SERPINE2: variants seen among roughly 807,000 people sequenced by gnomAD.
The protein encoded by SERPINE2 is glia-derived nexin.
In SERPINE2, 14 loss-of-function variants were observed where a neutral mutation model predicts 36.3. The ratio of observed to expected loss-of-function variants is 0.39; its 90% CI spans 0.25 to 0.60. The LOEUF (loss-of-function observed/expected upper bound fraction) is 0.60. Ranked by LOEUF, SERPINE2 falls within the 20% of genes least tolerant of loss-of-function variation. The pLI, the probability that SERPINE2 is intolerant of heterozygous loss-of-function variation, is 0.57. For synonymous variants in SERPINE2, 192 were observed against 191.8 expected, an observed-to-expected ratio of 1.00 and a Z score of -0.01; for missense variants, 418 against 499.6, an observed-to-expected ratio of 0.84 and a Z score of 1.56.
chr2:224,005,880 A>T (rs1451377476), intron 1 of SERPINE2, among the ~76,000 whole-genome samples: 1 of 152,220 alleles, frequency 6.6e-6, no homozygotes. Flanking sequence ...TCATAAGCCC[A>T]TCAGTAGAGC....
Position 223,980,327 on chromosome 2 carries a change from T to C in SERPINE2, c.1056A>G (p.Lys352=), listed in dbSNP as rs61761889. ...AKIEVSEDGT[K]ASAATTAILI... ...AGTGCTTACTTGTTGCTGCTGAAGC[T>C]TTGGTTCCATCTTCACTGACTTCAA... Residue 352 remains lysine, a synonymous_variant, in exon 7 of 9, where the codon AAA becomes AAG. Transcript: ENST00000409304. 484 of 1,614,090 alleles carry C rather than the reference T, an allele frequency of 3.0e-4. 1 individual carries two copies. In the Middle Eastern group the frequency reaches 4.1e-3, roughly 14 times the overall value.
At chr2:224,031,368 G>A (rs1393676022) in intron 1 of SERPINE2, 1 of 985,394 alleles carries the variant, frequency 1.0e-6, no homozygotes, top group African/African-American at 1.7e-5. Flanking sequence ...CAGGCACGAG[G>A]CTCTAGGAGA....
intron 1 of SERPINE2, among the ~76,000 whole-genome samples, chr2:224,005,065 T>TTATATATA (rs71058976): frequency 5.9e-3 from 197 of 33,482 alleles, no homozygotes; most frequent in African/African-American, 0.018. Context: ...TTTATATATA[T>TTATATATA]TATATATATA....
intron 1 of SERPINE2, among the ~76,000 whole-genome samples, chr2:224,009,054 C>T (rs1455111181): frequency 1.3e-5 from 2 of 152,122 alleles, no homozygotes; most frequent in Non-Finnish European, 2.9e-5. Flanking sequence ...AAGTGGATTG[C>T]CCTCGTGTGA....
At chr2:223,980,682 A>C (rs1293565572) in intron 6 of SERPINE2, 1 of 257,014 alleles carries the variant, frequency 3.9e-6, no homozygotes, top group South Asian at 7.9e-5. Context: ...ATTGTTTTTT[A>C]AAAATGAAAA....
intron 1 of SERPINE2, among the ~76,000 whole-genome samples, chr2:224,036,337 GAAA>G: frequency 7.4e-6 from 1 of 134,248 alleles, no homozygotes; most frequent in East Asian, 2.2e-4. Flanking sequence ...ACCAGGGATG[GAAA>G]AAAAAAAAAA....
At chr2:224,019,133 A>G (rs969613244) in intron 1 of SERPINE2, among the ~76,000 whole-genome samples, 1 of 152,220 alleles carries the variant, frequency 6.6e-6, no homozygotes, top group Non-Finnish European at 1.5e-5. Context: ...GCCTGAAACC[A>G]TGGAAAATTT....
At chr2:224,005,186 A>G (rs549602312) in intron 1 of SERPINE2, among the ~76,000 whole-genome samples, 11 of 150,966 alleles carry the variant, frequency 7.3e-5, no homozygotes, top group African/African-American at 2.7e-4. Flanking sequence ...AGTCTCCCAA[A>G]TAAACAGCCA....
intron 3 of SERPINE2, among the ~76,000 whole-genome samples, chr2:223,993,532 G>A (rs1350368099): frequency 2.3e-4 from 3 of 13,108 alleles, no homozygotes; most frequent in Admixed American, 1.2e-3. Context: ...TCAAATATAT[G>A]TGTGTGTGTG....
rs528871359 is a variant in SERPINE2 at position 224,030,828 on chromosome 2, T to G, written c.-23+8271A>C. The G allele has an allele frequency of 1.5e-3, 512 of 346,174 alleles. 2 individuals are homozygous for G. The highest frequency in any genetic ancestry group is 1.8e-3 in the Non-Finnish European group (454 of 245,796). 21.4% of individuals were successfully genotyped at this position (346,174 alleles called of 1,614,324 possible). A position where few individuals can be genotyped will look rare whatever the true frequency, so the allele number is the denominator to read the frequency against. Reference sequence around the variant, plus strand: ...CTGCTGAGTTTTATCCAGCTCAGCTTAAGTTATTCGCTTGGACTCTTGTGT... The same window carrying G: ...CTGCTGAGTTTTATCCAGCTCAGCTGAAGTTATTCGCTTGGACTCTTGTGT... On this transcript the variant is annotated intron_variant, in intron 1 of 8. Coordinates refer to ENST00000409304, the MANE Select transcript of SERPINE2 (RefSeq NM_001136528.2).
At chr2:224,011,457 A>G (rs766203660) in intron 1 of SERPINE2, among the ~76,000 whole-genome samples, 6 of 152,210 alleles carry the variant, frequency 3.9e-5, no homozygotes, top group Non-Finnish European at 5.9e-5. Context: ...CAGTACCTAG[A>G]TACATTTTAA....
chr2:223,985,088 G>A, intron 4 of SERPINE2, 138 bp from the exon 5 acceptor site: 2 of 671,234 alleles, frequency 3.0e-6, no homozygotes, highest in Non-Finnish European at 5.2e-6. Flanking sequence ...TTCCTTAGAA[G>A]GACAAAGACA....
In SERPINE2 at chr2:223,991,808, C is replaced by T. The variant is rs142288134; in HGVS notation, c.680G>A (p.Arg227Gln). 7 of 1,613,832 alleles carry T rather than the reference C, an allele frequency of 4.3e-6. No homozygotes were observed. The highest frequency in any genetic ancestry group is 2.7e-5 in the African/African-American group (2 of 75,046). Residue 227 changes from arginine (R) to glutamine (Q), a missense_variant, in exon 4 of 9, where the codon CGG (arginine) becomes CAG (glutamine). By Grantham distance (43) the Arg-to-Gln change is conservative (BLOSUM62 1). Transcript: ENST00000409304. ...TTCGCTGAGCATGAACTCACCACAC[C>T]GGAACACGGAGAGCTGGGCCAGCAT... The part of the protein sequence containing the change: ...VPMLAQLSVF[R>Q]CGSTSAPNDL...
At chr2:224,036,124 A>G (rs190790986) in intron 1 of SERPINE2, among the ~76,000 whole-genome samples, 1 of 152,272 alleles carries the variant, frequency 6.6e-6, no homozygotes, top group East Asian at 1.9e-4. Context: ...ACCAGACTGC[A>G]GGTAACTGAT....
intron 1 of SERPINE2, among the ~76,000 whole-genome samples, chr2:224,029,770 C>G (rs559989364): frequency 7.2e-5 from 11 of 152,342 alleles, no homozygotes; most frequent in Admixed American, 6.5e-4. Flanking sequence ...CACAATTCTG[C>G]TTACTGCAAC....
chr2:224,024,869 G>A (rs1425878608), intron 1 of SERPINE2, among the ~76,000 whole-genome samples: 1 of 152,160 alleles, frequency 6.6e-6, no homozygotes, highest in South Asian at 2.1e-4. Context: ...ATAAGAAACT[G>A]CACCAACGAA....
chr2:224,029,945 C>A, intron 1 of SERPINE2: 1 of 581,922 alleles, frequency 1.7e-6, no homozygotes, highest in Non-Finnish European at 2.2e-6. Context: ...GATCTGCCCA[C>A]CTCAGCCTCC....
intron 3 of SERPINE2, among the ~76,000 whole-genome samples, chr2:223,996,262 C>A (rs1440474938): frequency 6.6e-6 from 1 of 152,148 alleles, no homozygotes; most frequent in African/African-American, 2.4e-5. Context: ...AGCCTCCAGC[C>A]ACAGAGTCAG....
At chr2:224,002,722 A>G (rs1691235667) in intron 1 of SERPINE2, among the ~76,000 whole-genome samples, 1 of 145,678 alleles carries the variant, frequency 6.9e-6, no homozygotes, top group South Asian at 2.2e-4. Context: ...GCTGGTCTCG[A>G]ATGTCTGGCC....
Sources: allele counts gnomAD v4.1 joint callset (sites outside exome capture counted in the v4.1 genomes callset), GRCh38; gene constraint gnomAD v4.1.1; transcripts MANE v1.5; gene names NCBI Gene and HGNC (gene_info 2026-07-23, HGNC 2026-07-21).